UBALD2: variants seen among roughly 807,000 people sequenced by gnomAD.
The protein encoded by UBALD2 is UBA-like domain-containing protein 2.
A neutral mutation model predicts 15.9 loss-of-function variants in UBALD2; 8 were observed. The ratio of observed to expected loss-of-function variants is 0.50; its 90% CI spans 0.29 to 0.91. The LOEUF is 0.91. Among genes scored for constraint, UBALD2 ranks in the 40% least tolerant of loss-of-function variants. The pLI is 0.07. For missense variants in UBALD2, 178 were observed against 234.8 expected (o/e 0.76, Z 1.58); for synonymous variants, 113 against 97.7 (o/e 1.16, Z -0.93).
intron 2 of UBALD2, 115 bp downstream of exon 2, chr17:76,266,084 A>T: frequency 7.5e-7 from 1 of 1,330,276 alleles, no homozygotes; most frequent in Non-Finnish European, 1.0e-6. Context: ...AATGTCTTCC[A>T]GGAAAGAGCG....
At position 76,270,266 on chromosome 17, in the gene UBALD2, C is replaced by G. The variant is rs757207528; in HGVS notation, c.256C>G (p.Arg86Gly). 1.9e-6 allele frequency: 3 copies of G among 1,612,232 alleles called. No homozygotes were observed. The highest frequency in any genetic ancestry group is 2.5e-6 in the Non-Finnish European group (3 of 1,179,934). The change falls in exon 3 of 3, where the codon CGC becomes GGC. Residue 86 changes from arginine to glycine, a missense_variant. Coordinates refer to ENST00000327490, the MANE Select transcript of UBALD2 (RefSeq NM_182565.4). ...PDALAMFSKL[R>G]ASEGLQSSNS... Reference sequence around the variant, plus strand: ...TGCGCTGGCCATGTTCTCCAAGCTCCGCGCCTCCGAGGGCCTGCAGAGCAG... The same window carrying G: ...TGCGCTGGCCATGTTCTCCAAGCTCGGCGCCTCCGAGGGCCTGCAGAGCAG...
intron 2 of UBALD2, among the ~76,000 whole-genome samples, 155 bp from the exon 3 acceptor site, chr17:76,270,039 C>T (rs753996724): frequency 2.6e-5 from 4 of 152,128 alleles, no homozygotes; most frequent in Non-Finnish European, 2.9e-5. Context: ...TGTATTGCCT[C>T]GGGGAGAGGG....
chr17:76,267,889 C>T (rs2070556803), intron 2 of UBALD2, among the ~76,000 whole-genome samples: 1 of 152,088 alleles, frequency 6.6e-6, no homozygotes, highest in African/African-American at 2.4e-5. Context: ...GAACTCCCAA[C>T]CTCAGGTGGT....
At chr17:76,266,037 G>C in intron 2 of UBALD2, 68 bp downstream of exon 2, 2 of 1,501,666 alleles carry the variant, frequency 1.3e-6, no homozygotes, top group African/African-American at 1.4e-5. Flanking sequence ...CCATGTTGCC[G>C]GGGAGCGCCG....
chr17:76,267,804 C>T (rs1194654238), intron 2 of UBALD2, among the ~76,000 whole-genome samples: 4 of 151,892 alleles, frequency 2.6e-5, no homozygotes, highest in Non-Finnish European at 4.4e-5. Context: ...GCACGTGCCA[C>T]CTGTAATCCC....
At chr17:76,266,927 C>CT (rs2070549877) in intron 2 of UBALD2, among the ~76,000 whole-genome samples, 1 of 152,150 alleles carries the variant, frequency 6.6e-6, no homozygotes, top group African/African-American at 2.4e-5. Flanking sequence ...CTGTTTTCAT[C>CT]TAGTCACAGA....
At position 76,270,289 on chromosome 17, in the gene UBALD2, C is replaced by T. The variant is rs1312723946; in HGVS notation, c.279C>T (p.Ser93=). The T allele has an allele frequency of 1.9e-6, 3 of 1,611,400 alleles. No individual in the cohort carries two copies. ...SKLRASEGLQ[S]SNSPMTAAAC... is the part of the protein sequence containing the mutation. ...TCCGCGCCTCCGAGGGCCTGCAGAG[C>T]AGCAACAGCCCCATGACAGCCGCAG... The change falls in exon 3 of 3, where the codon AGC becomes AGT. Residue 93 remains serine (S), a synonymous_variant. Coordinates refer to ENST00000327490, the MANE Select transcript of UBALD2 (RefSeq NM_182565.4).
chr17:76,265,454 GC>G lies in UBALD2; in HGVS notation c.-48del. Reference sequence around the variant, plus strand: ...GCGGCCGGCCTCCCGCGCCCGCGCAGCCCCGCGTCTGCGTCCGGCCGGAGAC... The same window carrying G: ...GCGGCCGGCCTCCCGCGCCCGCGCAGCCCGCGTCTGCGTCCGGCCGGAGAC... On this transcript the variant is annotated 5_prime_UTR_variant, in exon 1 of 3. Transcript: ENST00000327490. 9.9e-7 allele frequency: 1 copy of G among 1,007,400 alleles called. No homozygotes were observed. The allele number at this position is 1,007,400 out of a possible 1,614,324, so 62.4% of individuals were successfully genotyped here.
Position 76,269,318 on chromosome 17 carries a change from C to T in UBALD2, c.184-876C>T, listed in dbSNP as rs1192962775. Reference sequence around the variant, plus strand: ...GCAGATGGGGGACTGTAGCTACCCCCAGGAAGAGGACTGAGGGGCTGGACA... The same window carrying T: ...GCAGATGGGGGACTGTAGCTACCCCTAGGAAGAGGACTGAGGGGCTGGACA... On this transcript the variant is annotated intron_variant, in intron 2 of 2. Transcript: ENST00000327490. This position sits in a 1 kb window ranked among gnomAD's most constrained non-coding sequence, Gnocchi z 4.6. 1.3e-5 allele frequency among the ~76,000 whole-genome samples: 2 copies of T among 152,114 alleles called. No individual in the cohort carries two copies. The highest frequency in any genetic ancestry group is 2.9e-5 in the Non-Finnish European group (2 of 68,014).
intron 2 of UBALD2, among the ~76,000 whole-genome samples, chr17:76,268,397 G>A (rs1400500570): frequency 6.6e-6 from 1 of 152,178 alleles, no homozygotes; most frequent in African/African-American, 2.4e-5. Context: ...CGGGGAACTG[G>A]GGAAGTCGGT....
chr17:76,265,844 G>A lies in UBALD2; in HGVS notation c.121-63G>A, dbSNP rs1372793179. 4.3e-5 allele frequency: 67 copies of A among 1,540,998 alleles called. 1 individual carries two copies. In the East Asian group the frequency reaches 1.6e-3, roughly 38 times the overall value. On this transcript the variant is annotated intron_variant, in intron 1 of 2. Coordinates refer to ENST00000327490, the MANE Select transcript of UBALD2 (RefSeq NM_182565.4). ...CGGAGGCGGGGAGAGCCGGTGGGGGGCCCAGCCGCTGCGTTTCCTGACTCC... is the reference window on the plus strand; with the variant it reads ...CGGAGGCGGGGAGAGCCGGTGGGGGACCCAGCCGCTGCGTTTCCTGACTCC...
chr17:76,265,416 C>T lies in UBALD2; in HGVS notation c.-90C>T. The T allele has an allele frequency of 1.0e-6, 1 of 978,322 alleles. No homozygotes were observed. Among genetic ancestry groups the T allele is most frequent in the Non-Finnish European group, 1.2e-6 (1 of 825,698 alleles). 60.6% of individuals were successfully genotyped at this position (978,322 alleles called of 1,614,324 possible). A position where few individuals can be genotyped will look rare whatever the true frequency, so the allele number is the denominator to read the frequency against. On this transcript the variant is annotated 5_prime_UTR_variant, in exon 1 of 3. Coordinates refer to ENST00000327490, the MANE Select transcript of UBALD2 (RefSeq NM_182565.4). The stretch of plus-strand genomic sequence containing the variant: ...GGCGGCAGCAGCGGTGAGCGCGAGC[C>T]CCGGAGCCCCGGGCGGCCGGCCTCC...
chr17:76,270,304 G>T lies in UBALD2; in HGVS notation c.294G>T (p.Met98Ile). ...SEGLQSSNSP[M>I]TAAACSPPAN... ...GCCTGCAGAGCAGCAACAGCCCCAT[G>T]ACAGCCGCAGCCTGCTCCCCACCTG... The change falls in exon 3 of 3, where the codon ATG becomes ATT. Residue 98 changes from methionine (M) to isoleucine (I), a missense_variant. Met to Ile is a conservative substitution (Grantham distance 10). Transcript: ENST00000327490. 6.2e-7 allele frequency: 1 copy of T among 1,610,188 alleles called. No individual in the cohort carries two copies. The highest frequency in any genetic ancestry group is 8.5e-7 in the Non-Finnish European group (1 of 1,179,612).
rs1047665306 is a variant in UBALD2, at chr17:76,270,804, G to A, written c.*299G>A. The A allele has an allele frequency of 5.0e-5, 11 of 220,614 alleles. No individual in the cohort carries two copies. The highest frequency in any genetic ancestry group is 2.1e-4 in the African/African-American group (9 of 43,800). 13.7% of individuals were successfully genotyped at this position (220,614 alleles called of 1,614,324 possible). ...TGGGCCTGGCACACCTGGGGTGCTC[G>A]GGGGTAGGGCTGCCATGCTGCAGAG... On this transcript the variant is annotated 3_prime_UTR_variant, in exon 3 of 3. Coordinates refer to ENST00000327490, the MANE Select transcript of UBALD2 (RefSeq NM_182565.4).
In UBALD2 at chr17:76,265,433, C is replaced by T. The variant is rs2143052598; in HGVS notation, c.-73C>T. ...GCGCGAGCCCCGGAGCCCCGGGCGGCCGGCCTCCCGCGCCCGCGCAGCCCC... is the reference window on the plus strand; with the variant it reads ...GCGCGAGCCCCGGAGCCCCGGGCGGTCGGCCTCCCGCGCCCGCGCAGCCCC... On this transcript the variant is annotated 5_prime_UTR_variant, in exon 1 of 3. Transcript: ENST00000327490. 3.0e-6 allele frequency: 3 copies of T among 984,526 alleles called. No homozygotes were observed. The highest frequency in any genetic ancestry group is 1.2e-6 in the Non-Finnish European group (1 of 830,316). The allele number at this position is 984,526 out of a possible 1,614,324, so 61.0% of individuals were successfully genotyped here. A position where few individuals can be genotyped will look rare whatever the true frequency, so the allele number is the denominator to read the frequency against.
Position 76,270,355 on chromosome 17 carries a change from G to T in UBALD2, c.345G>T (p.Ser115=). 4.4e-6 allele frequency: 7 copies of T among 1,579,674 alleles called. No homozygotes were observed. The highest frequency in any genetic ancestry group is 6.0e-6 in the Non-Finnish European group (7 of 1,166,956). Residue 115 remains serine, a synonymous_variant, in exon 3 of 3, where the codon TCG becomes TCT. Coordinates refer to ENST00000327490, the MANE Select transcript of UBALD2 (RefSeq NM_182565.4). ...CAAACTTCAGCCCCTTCTGGGCCTCGTCCCCGCCCAGCCACCAGGCGCCCT... is the reference window on the plus strand; with the variant it reads ...CAAACTTCAGCCCCTTCTGGGCCTCTTCCCCGCCCAGCCACCAGGCGCCCT... ...PPANFSPFWA[S]SPPSHQAPWI...
At chr17:76,267,666 T>C (rs372646639) in intron 2 of UBALD2, among the ~76,000 whole-genome samples, 1 of 150,226 alleles carries the variant, frequency 6.7e-6, no homozygotes. Context: ...CAATTTCTTT[T>C]CTTTTTTTTT....
At chr17:76,270,112 G>T in intron 2 of UBALD2, 82 bp from the exon 3 acceptor site, 1 of 1,417,728 alleles carries the variant, frequency 7.1e-7, no homozygotes, top group Non-Finnish European at 9.7e-7. Flanking sequence ...GGGAGTAAAG[G>T]AGCGGCTGGC....
intron 2 of UBALD2, among the ~76,000 whole-genome samples, chr17:76,266,584 C>T (rs2070547601): frequency 6.6e-6 from 1 of 152,192 alleles, no homozygotes; most frequent in Admixed American, 6.5e-5. Flanking sequence ...CAGATTTTGA[C>T]CCAAGATAAG....
Sources: gnomAD v4.1 joint callset for allele counts (sites outside exome capture counted in the v4.1 genomes callset) on GRCh38, gnomAD v4.1.1 for gene constraint, Gnocchi (gnomAD v3.1) non-coding constraint, MANE v1.5 for transcripts, NCBI Gene and HGNC (gene_info 2026-07-23, HGNC 2026-07-21) for gene names.